TRPM1: variants seen among roughly 807,000 people sequenced by gnomAD.
TRPM1 encodes TRPM1-203 APA Isoform, Intron 10.
In TRPM1, 113 loss-of-function variants were observed where a neutral mutation model predicts 149.4. The ratio of observed to expected loss-of-function variants is 0.76; its 90% CI spans 0.65 to 0.88. The LOEUF (loss-of-function observed/expected upper bound fraction) is 0.88. Among genes scored for constraint, TRPM1 ranks in the 40% least tolerant of loss-of-function variants. The pLI is 0.00. For synonymous variants in TRPM1, 741 were observed against 759.5 expected (o/e 0.98, Z 0.40); for missense variants, 1,976 against 2,038.7 (o/e 0.97, Z 0.59).
intron 2 of TRPM1, among the ~76,000 whole-genome samples, chr15:31,079,930 GACATGGGA>G (rs1423441030): frequency 6.6e-6 from 1 of 152,180 alleles, no homozygotes; most frequent in Admixed American, 6.5e-5. Context: ...CTTTACTTTT[GACATGGGA>G]ACATGCCAAA....
chr15:31,116,602 G>GAAATAAAT (rs56343838), intron 1 of TRPM1, among the ~76,000 whole-genome samples: 53,168 of 143,348 alleles, frequency 0.37, 10,206 homozygotes, highest in Middle Eastern at 0.43. Context: ...AACTCCATCT[G>GAAATAAAT]AAATAAATAA....
chr15:31,062,619 A>G lies in TRPM1; in HGVS notation c.1049T>C (p.Leu350Pro), dbSNP rs780559281. 3 of 1,614,182 alleles carry G rather than the reference A, an allele frequency of 1.9e-6. No individual in the cohort carries two copies. Among genetic ancestry groups the G allele is most frequent in the Non-Finnish European group, 1.7e-6 (2 of 1,180,000 alleles). ...CATGCACTCCATTATAATTGCAAAC[A>G]GCTGATGTGATTGTGCCTTATTATA... ...FNYNKAQSHQ[L>P]FAIIMECMKK... The change falls in exon 9 of 28, where the codon CTG becomes CCG. Residue 350 changes from leucine (L) to proline (P), a missense_variant. This residue lies in a region of TRPM1 where 1,332 missense variants were observed against 1,347.1 expected (regional missense o/e 0.99). Coordinates refer to ENST00000256552, the MANE Select transcript of TRPM1 (RefSeq NM_001252024.2).
At chr15:31,100,318 G>T (rs755292107) in intron 1 of TRPM1, among the ~76,000 whole-genome samples, 7 of 151,806 alleles carry the variant, frequency 4.6e-5, no homozygotes, top group Non-Finnish European at 8.8e-5. Context: ...CTCGTGATCT[G>T]CCTGCCTCAG....
At chr15:31,156,092 G>A (rs560227723) in intron 1 of TRPM1, among the ~76,000 whole-genome samples, 145 of 151,132 alleles carry the variant, frequency 9.6e-4, no homozygotes, top group South Asian at 6.1e-3. Context: ...AGCTACTCTG[G>A]AGGCTGAGGC....
intron 20 of TRPM1, 98 bp from the exon 21 acceptor site, chr15:31,035,772 T>G: frequency 1.3e-6 from 2 of 1,556,752 alleles, no homozygotes; most frequent in South Asian, 2.3e-5. Context: ...TCTAAAAGAA[T>G]CTTTGTTTCC....
At position 31,115,931 on chromosome 15, in the gene TRPM1, A is replaced by T. The variant is rs151158054; in HGVS notation, c.55-38947T>A. Among the ~76,000 whole-genome samples the T allele has an allele frequency of 2.8e-4, 43 of 152,018 alleles. No individual in the cohort carries two copies. The East Asian group carries it at 3.3e-3, about 12-fold the overall frequency. On this transcript the variant is annotated intron_variant, in intron 1 of 26. Transcript: ENST00000542188. ...TAAGAGCTTGTGTCTTCATAGACAC[A>T]CCTTTCAGCTATGTCCTCACATGGT...
chr15:31,123,885 C>T (rs536796123), intron 1 of TRPM1, among the ~76,000 whole-genome samples: 8 of 143,696 alleles, frequency 5.6e-5, no homozygotes, highest in Non-Finnish European at 1.1e-4. Flanking sequence ...AACCTGCACA[C>T]AAATGTCTAT....
chr15:31,118,563 T>C (rs1442717312), intron 1 of TRPM1, among the ~76,000 whole-genome samples: 1 of 152,112 alleles, frequency 6.6e-6, no homozygotes, highest in Non-Finnish European at 1.5e-5. Flanking sequence ...GAGAATATTG[T>C]AGAACGAGTG....
chr15:31,029,077 A>ATTGTTTTTTTTTTTTTTTTT (rs2032934969), intron 24 of TRPM1, among the ~76,000 whole-genome samples: 1 of 152,174 alleles, frequency 6.6e-6, no homozygotes, highest in African/African-American at 2.4e-5. Context: ...TACTTCCCAA[A>ATTGTTTTTTTTTTTTTTTTT]TTGTTTAATC....
At position 31,149,528 on chromosome 15, in the gene TRPM1, T is replaced by C. The variant is rs937266808; in HGVS notation, c.54+11378A>G. 5.5e-4 allele frequency among the ~76,000 whole-genome samples: 81 copies of C among 146,388 alleles called. 1 individual carries two copies. In the East Asian group the frequency reaches 7.7e-3, roughly 14 times the overall value. On this transcript the variant is annotated intron_variant, in intron 1 of 26. Transcript: ENST00000542188. ...TCGTCATGTGCATCTCTCTCTCTCT[T>C]TTTTTTTTTTTTTTTGAGACGGAGT...
rs1410664149 is a variant in TRPM1, at chr15:31,067,938, C to T, written c.434G>A (p.Gly145Asp). The change falls in exon 5 of 28, where the codon GGC (glycine) becomes GAC (aspartate). Residue 145 changes from glycine to aspartate, a missense_variant. This residue lies in a region of TRPM1 where 1,332 missense variants were observed against 1,347.1 expected (regional missense o/e 0.99). Coordinates refer to ENST00000256552, the MANE Select transcript of TRPM1 (RefSeq NM_001252024.2). ...GGTGGTCATAGCAGCCTTGATCAGGCCTTTCCCAAAGACTTGTTTCAGCTT... is the reference window on the plus strand; with the variant it reads ...GGTGGTCATAGCAGCCTTGATCAGGTCTTTCCCAAAGACTTGTTTCAGCTT... ...QPKLKQVFGK[G>D]LIKAAMTTGA... 6.2e-7 allele frequency: 1 copy of T among 1,614,072 alleles called. No individual in the cohort carries two copies. Among genetic ancestry groups the T allele is most frequent in the Non-Finnish European group, 8.5e-7 (1 of 1,180,036 alleles).
In TRPM1 at chr15:31,051,806, CAA is replaced by C. The variant is rs1195186034; in HGVS notation, c.1264-1226_1264-1225del. Among the ~76,000 whole-genome samples the C allele has an allele frequency of 4.6e-5, 7 of 152,306 alleles. No homozygotes were observed. The East Asian group carries it at 1.4e-3, about 29-fold the overall frequency. ...TGCTCAGCATCCTGCTTGCATGTCT[CAA>C]AGACATGCAGCTCCTTATGTCCCAA... On this transcript the variant is annotated intron_variant, in intron 11 of 27. Transcript: ENST00000256552.
chr15:31,067,028 A>T (rs1344757071), intron 6 of TRPM1, 35 bp downstream of exon 6: 3 of 1,614,004 alleles, frequency 1.9e-6, no homozygotes, highest in African/African-American at 1.3e-5. Context: ...CATTAATTTT[A>T]AAAAACTGCC....
intron 11 of TRPM1, 26 bp from the exon 12 acceptor site, chr15:31,050,608 G>C (rs528224831): frequency 3.7e-6 from 6 of 1,613,754 alleles, no homozygotes; most frequent in Non-Finnish European, 5.1e-6. Flanking sequence ...ATCAGAGTTG[G>C]GAAATGGTAC....
chr15:31,003,233 AC>A (rs2031860587), intron 27 of TRPM1, among the ~76,000 whole-genome samples, 163 bp from the exon 28 acceptor site: 1 of 152,230 alleles, frequency 6.6e-6, no homozygotes, highest in Non-Finnish European at 1.5e-5. Flanking sequence ...TACTCGAATT[AC>A]CATGAGGAGC....
At chr15:31,104,768 G>C (rs543673881), upstream of TRPM1, among the ~76,000 whole-genome samples, 21 of 151,792 alleles carry the variant, frequency 1.4e-4, no homozygotes, top group South Asian at 4.2e-3. Flanking sequence ...CAATTTTTTT[G>C]TATTTTTAAT....
chr15:31,048,181 T>G (rs2033835017), intron 13 of TRPM1, among the ~76,000 whole-genome samples: 1 of 152,090 alleles, frequency 6.6e-6, no homozygotes, highest in Non-Finnish European at 1.5e-5. Context: ...GAGGATCACT[T>G]GAACCGGGGA....
intron 7 of TRPM1, among the ~76,000 whole-genome samples, chr15:31,065,870 C>G (rs1406380608): frequency 6.6e-6 from 1 of 152,188 alleles, no homozygotes; most frequent in African/African-American, 2.4e-5. Flanking sequence ...AACTTGTGAA[C>G]CTGGGGCAAA....
At position 31,001,731 on chromosome 15, in the gene TRPM1, G is replaced by T. The variant is rs899038882; in HGVS notation, c.*91C>A. ...ATTTCCAAAATTTTTTAAGGAAAATGTTTTTAGAAATTGATGATGTTTAGA... is the reference window on the plus strand; with the variant it reads ...ATTTCCAAAATTTTTTAAGGAAAATTTTTTTAGAAATTGATGATGTTTAGA... On this transcript the variant is annotated 3_prime_UTR_variant, in exon 28 of 28. Coordinates refer to ENST00000256552, the MANE Select transcript of TRPM1 (RefSeq NM_001252024.2). The T allele has an allele frequency of 1.1e-5, 16 of 1,425,642 alleles. 1 individual carries two copies. The highest frequency in any genetic ancestry group is 1.5e-5 in the Non-Finnish European group (16 of 1,060,888). The allele number at this position is 1,425,642 out of a possible 1,614,324, so 88.3% of individuals were successfully genotyped here.
Sources: gnomAD v4.1 joint callset for allele counts (sites outside exome capture counted in the v4.1 genomes callset) on GRCh38, gnomAD v4.1.1 for gene constraint, gnomAD v4.1.1 regional missense constraint, MANE v1.5 for transcripts, NCBI Gene and HGNC (gene_info 2026-07-23, HGNC 2026-07-21) for gene names.